The following KCNC1 variants were observed in gnomAD, a reference collection of about 807,000 sequenced individuals.
KCNC1 encodes the protein potassium voltage-gated channel subfamily C member 1.
Under a neutral mutation model 43.4 loss-of-function variants are expected in KCNC1, and 8 were observed. That is an observed-to-expected ratio of 0.18 (90% CI 0.11 to 0.33). The LOEUF (loss-of-function observed/expected upper bound fraction) is 0.33. KCNC1 is among the 10% of genes least tolerant of loss of function. The pLI is 1.00. For synonymous variants in KCNC1, 361 were observed against 360.5 expected (o/e 1.00, Z -0.01); for missense variants, 420 against 836.0 (o/e 0.50, Z 6.14).
At chr11:17,748,239 G>C (rs1848924037) in intron 1 of KCNC1, among the ~76,000 whole-genome samples, 1 of 152,272 alleles carries the variant, frequency 6.6e-6, no homozygotes, top group Admixed American at 6.5e-5. Flanking sequence ...ATTGAAGGAG[G>C]TGAGGAAGGA....
chr11:17,736,525 C>T lies in KCNC1; in HGVS notation c.523C>T (p.Arg175Cys), dbSNP rs1197911307. 4.4e-6 allele frequency: 7 copies of T among 1,581,420 alleles called. No individual in the cohort carries two copies. Among genetic ancestry groups the T allele is most frequent in the Admixed American group, 1.8e-5 (1 of 56,204 alleles). The change falls in exon 1 of 4, where the codon CGC becomes TGC. Residue 175 changes from arginine to cysteine, a missense_variant. Around this residue, in one of 5 missense-constraint regions of KCNC1, gnomAD observed 151 missense variants for 216.7 expected, o/e 0.70. Transcript: ENST00000265969. The surrounding 1 kb of genome is among the most constrained non-coding windows in gnomAD (Gnocchi z 9.3). ...CGGCTTTTGGCGCCGCTGGCAGCCG[C>T]GCATCTGGGCGCTCTTCGAGGACCC... is the stretch of plus-strand genomic sequence containing the variant. The part of the protein sequence containing the change: ...PGGFWRRWQP[R>C]IWALFEDPYS...
chr11:17,767,284 C>CAAA (rs71483495), intron 1 of KCNC1, among the ~76,000 whole-genome samples: 33 of 95,920 alleles, frequency 3.4e-4, no homozygotes, highest in African/African-American at 9.9e-4. Flanking sequence ...GACTCCGTCT[C>CAAA]AAAAAAAAAA....
intron 1 of KCNC1, among the ~76,000 whole-genome samples, chr11:17,751,210 C>T (rs529810897): frequency 1.3e-5 from 2 of 152,180 alleles, no homozygotes; most frequent in Non-Finnish European, 2.9e-5. Context: ...GCCAGTGTTC[C>T]TTCTGGCTCT....
intron 1 of KCNC1, among the ~76,000 whole-genome samples, chr11:17,743,915 G>T (rs1848870172): frequency 6.6e-6 from 1 of 152,196 alleles, no homozygotes; most frequent in Admixed American, 6.5e-5. Context: ...GGTATGCACT[G>T]GGCACTGAGT....
At chr11:17,774,401 G>A (rs1206501940) in intron 2 of KCNC1, 22 of 985,394 alleles carry the variant, frequency 2.2e-5, no homozygotes, top group Non-Finnish European at 2.5e-5. Context: ...TTTCAGGAGT[G>A]TTGCCCCAAG....
chr11:17,755,465 C>T (rs1437325865), intron 1 of KCNC1, among the ~76,000 whole-genome samples: 3 of 151,992 alleles, frequency 2.0e-5, no homozygotes, highest in Admixed American at 1.3e-4. Context: ...TACCATGACC[C>T]GGGGGGAAAG....
chr11:17,781,932 C>A lies in KCNC1; in HGVS notation c.*198C>A. 6 of 437,966 alleles carry A rather than the reference C, an allele frequency of 1.4e-5. No homozygotes were observed. Among genetic ancestry groups the A allele is most frequent in the Non-Finnish European group, 2.0e-5 (5 of 248,470 alleles). The allele number at this position is 437,966 out of a possible 1,614,324, so 27.1% of individuals were successfully genotyped here. ...TGACCGTAGAGGATTTCTTTTCCTT[C>A]TTTTCATTTTTTAAAATTTTATTTT... is the stretch of plus-strand genomic sequence containing the variant. On this transcript the variant is annotated 3_prime_UTR_variant, in exon 4 of 4. Transcript: ENST00000265969. The surrounding 1 kb of genome is among the most constrained non-coding windows in gnomAD (Gnocchi z 5.1).
At chr11:17,772,873 G>T in intron 2 of KCNC1, 1 of 1,306,584 alleles carries the variant, frequency 7.7e-7, no homozygotes, top group South Asian at 2.3e-5. Flanking sequence ...GGCCCGCCAG[G>T]TTGCTGAGGA....
rs1203491768 is a variant in KCNC1 at position 17,776,504 on chromosome 11, G to A, written c.1505-2952G>A. The A allele has an allele frequency of 1.7e-5, 17 of 985,302 alleles. No homozygotes were observed. The highest frequency in any genetic ancestry group is 7.0e-5 in the African/African-American group (4 of 57,222). 61.0% of individuals were successfully genotyped at this position (985,302 alleles called of 1,614,324 possible). A position where few individuals can be genotyped will look rare whatever the true frequency, so the allele number is the denominator to read the frequency against. On this transcript the variant is annotated intron_variant, in intron 2 of 3. Coordinates refer to ENST00000265969, the MANE Select transcript of KCNC1 (RefSeq NM_001112741.2). The surrounding 1 kb of genome is among the most constrained non-coding windows in gnomAD (Gnocchi z 4.4). ...CTGTGCTGACTGAGGGCCCAGCCTC[G>A]GGTTCTCCTTGCTCCAAAGTTTAAA...
At chr11:17,766,995 G>A (rs907829201) in intron 1 of KCNC1, among the ~76,000 whole-genome samples, 13 of 151,496 alleles carry the variant, frequency 8.6e-5, no homozygotes, top group Admixed American at 3.3e-4. Flanking sequence ...TTAGCCGGGC[G>A]TGGTGGTGGC....
intron 1 of KCNC1, among the ~76,000 whole-genome samples, chr11:17,748,250 G>A (rs143580576): frequency 6.6e-5 from 10 of 152,292 alleles, no homozygotes; most frequent in African/African-American, 2.4e-4. Context: ...TGAGGAAGGA[G>A]GCCACAGGAC....
intron 1 of KCNC1, among the ~76,000 whole-genome samples, chr11:17,737,187 G>A (rs1376405815): frequency 6.6e-6 from 1 of 152,030 alleles, no homozygotes; most frequent in Non-Finnish European, 1.5e-5. Flanking sequence ...AATCTCGGTG[G>A]CTTGGAAGTT....
Position 17,776,418 on chromosome 11 carries a change from C to G in KCNC1, c.1505-3038C>G. The stretch of plus-strand genomic sequence containing the variant: ...GCCCCGCGTGCGCCCCTCCGGTGCC[C>G]GCAGCTGGTGTGAACAGTAAGTACT... On this transcript the variant is annotated intron_variant, in intron 2 of 3. Coordinates refer to ENST00000265969, the MANE Select transcript of KCNC1 (RefSeq NM_001112741.2). This position sits in a 1 kb window ranked among gnomAD's most constrained non-coding sequence, Gnocchi z 4.4. The G allele has an allele frequency of 1.0e-6, 1 of 985,452 alleles. No homozygotes were observed. The allele number at this position is 985,452 out of a possible 1,614,324, so 61.0% of individuals were successfully genotyped here.
intron 1 of KCNC1, among the ~76,000 whole-genome samples, chr11:17,744,185 TGCTAACTGACG>T (rs1370286752): frequency 6.6e-6 from 1 of 152,142 alleles, no homozygotes; most frequent in Non-Finnish European, 1.5e-5. Flanking sequence ...ACAGAGGTCG[TGCTAACTGACG>T]GCTAAGGCTC....
At chr11:17,775,281 T>TGCCCG in intron 2 of KCNC1, 1 of 935,850 alleles carries the variant, frequency 1.1e-6, no homozygotes, top group Non-Finnish European at 1.3e-6. Flanking sequence ...TCTGAGGGCA[T>TGCCCG]CCCTCCCGCC....
intron 1 of KCNC1, among the ~76,000 whole-genome samples, chr11:17,747,797 C>G (rs1221302016): frequency 1.3e-5 from 2 of 152,186 alleles, no homozygotes; most frequent in Admixed American, 1.3e-4. Context: ...GATGCCCCTT[C>G]CACCCTGGCC....
Position 17,736,376 on chromosome 11 carries a change from C to T in KCNC1, c.374C>T (p.Ala125Val), listed in dbSNP as rs1336002266. The T allele has an allele frequency of 2.5e-6, 4 of 1,611,478 alleles. No individual in the cohort carries two copies. In the African/African-American group the frequency reaches 4.0e-5, roughly 16 times the overall value. Reference sequence around the variant, plus strand: ...GAGGCTCTGGACAGCTTCGGCGGCGCTCCTCTGGACAACAGCGCCGACGAC... The same window carrying T: ...GAGGCTCTGGACAGCTTCGGCGGCGTTCCTCTGGACAACAGCGCCGACGAC... ...AEEALDSFGG[A>V]PLDNSADDAD... Residue 125 changes from alanine (A) to valine (V), a missense_variant, in exon 1 of 4, where the codon GCT (alanine) becomes GTT (valine). Around this residue, in one of 5 missense-constraint regions of KCNC1, gnomAD observed 151 missense variants for 216.7 expected, o/e 0.70. Transcript: ENST00000265969. The surrounding 1 kb of genome is among the most constrained non-coding windows in gnomAD (Gnocchi z 9.3).
intron 1 of KCNC1, among the ~76,000 whole-genome samples, chr11:17,754,560 AGTGAGG>A (rs1849003911): frequency 6.6e-6 from 1 of 152,298 alleles, no homozygotes; most frequent in South Asian, 2.1e-4. Context: ...AACTAGAGGG[AGTGAGG>A]CAAGTGGACA....
rs898738815 is a variant in KCNC1 at position 17,739,587 on chromosome 11, G to A, written c.570+3015G>A. Among the ~76,000 whole-genome samples, 9 of 151,838 alleles carry A rather than the reference G, an allele frequency of 5.9e-5. No individual in the cohort carries two copies. Among genetic ancestry groups the A allele is most frequent in the South Asian group, 2.1e-4 (1 of 4,806 alleles). ...GCTGTGTGTGAGGTTTGGAGAGTGC[G>A]TGAGAGTCGAGGTGAGTGTGTCTGC... On this transcript the variant is annotated intron_variant, in intron 1 of 3. Coordinates refer to ENST00000265969, the MANE Select transcript of KCNC1 (RefSeq NM_001112741.2). The surrounding 1 kb of genome is among the most constrained non-coding windows in gnomAD (Gnocchi z 4.2).
Sources: gnomAD v4.1 joint callset for allele counts (sites outside exome capture counted in the v4.1 genomes callset) on GRCh38, gnomAD v4.1.1 for gene constraint, gnomAD v4.1.1 regional missense constraint, Gnocchi (gnomAD v3.1) non-coding constraint, MANE v1.5 for transcripts, NCBI Gene and HGNC (gene_info 2026-07-23, HGNC 2026-07-21) for gene names.